The following HERC4 variants were observed in gnomAD, a reference collection of about 807,000 sequenced individuals.
The protein encoded by HERC4 is HECT and RLD domain containing E3 ubiquitin protein ligase 4.
A neutral mutation model predicts 124.3 loss-of-function variants in HERC4; 28 were observed. That is an observed-to-expected ratio of 0.23 (90% CI 0.17 to 0.31). HERC4 has a LOEUF of 0.31. HERC4 is among the 10% of genes least tolerant of loss of function. The pLI, the probability that HERC4 is intolerant of heterozygous loss-of-function variation, is 1.00. For missense variants in HERC4, 713 were observed against 1,229.3 expected (o/e 0.58, Z 6.28); for synonymous variants, 407 against 421.5 (o/e 0.97, Z 0.42).
intron 16 of HERC4, among the ~76,000 whole-genome samples, chr10:67,958,464 C>G (rs1280406660): frequency 2.0e-5 from 3 of 152,144 alleles, no homozygotes; most frequent in East Asian, 3.9e-4. Flanking sequence ...TAATTTAAAG[C>G]TAACTCAAAA....
At chr10:68,025,999 C>T (rs562896708) in intron 7 of HERC4, among the ~76,000 whole-genome samples, 3 of 152,294 alleles carry the variant, frequency 2.0e-5, no homozygotes, top group Non-Finnish European at 2.9e-5. Flanking sequence ...AACCTAAAAA[C>T]GGTATCATCT....
At chr10:67,957,784 T>C (rs1410861952) in intron 16 of HERC4, among the ~76,000 whole-genome samples, 2 of 152,160 alleles carry the variant, frequency 1.3e-5, no homozygotes, top group African/African-American at 4.8e-5. Flanking sequence ...TCTTAGTGAT[T>C]AGACAGTTCT....
chr10:68,059,553 A>ATATATAT (rs2040768462), intron 3 of HERC4, among the ~76,000 whole-genome samples: 1 of 88,124 alleles, frequency 1.1e-5, no homozygotes, highest in East Asian at 7.6e-4. Context: ...ATATATCATA[A>ATATATAT]TATATATCAT....
chr10:67,957,812 A>G (rs114039822), intron 16 of HERC4, among the ~76,000 whole-genome samples: 4,532 of 151,388 alleles, frequency 0.03, 237 homozygotes, highest in African/African-American at 0.1. Context: ...CTGAATCTGC[A>G]TTTTTTTTTC....
intron 3 of HERC4, among the ~76,000 whole-genome samples, chr10:68,057,573 G>A (rs974917930): frequency 4.7e-5 from 7 of 149,920 alleles, no homozygotes; most frequent in Non-Finnish European, 7.4e-5. Context: ...AAAGTGAGCC[G>A]AGATCACGCC....
At chr10:68,033,424 T>C (rs1160594237) in intron 6 of HERC4, among the ~76,000 whole-genome samples, 2 of 152,218 alleles carry the variant, frequency 1.3e-5, no homozygotes, top group African/African-American at 4.8e-5. Context: ...TATAAGAAAT[T>C]AGCTTTTGTA....
At chr10:67,997,022 A>T (rs1013583783) in intron 9 of HERC4, among the ~76,000 whole-genome samples, 26 of 151,956 alleles carry the variant, frequency 1.7e-4, no homozygotes, top group African/African-American at 6.3e-4. Flanking sequence ...AATCATTATG[A>T]CTTCAAGAAC....
chr10:67,946,992 A>AAGAG (rs928465682), intron 19 of HERC4, among the ~76,000 whole-genome samples: 4 of 151,756 alleles, frequency 2.6e-5, no homozygotes, highest in African/African-American at 9.7e-5. Context: ...ATTACCGCTA[A>AAGAG]AGAGAGAGAG....
intron 24 of HERC4, among the ~76,000 whole-genome samples, chr10:67,924,752 T>C (rs1307418428): frequency 6.6e-6 from 1 of 152,224 alleles, no homozygotes; most frequent in Non-Finnish European, 1.5e-5. Flanking sequence ...ATCCCCCATG[T>C]ATGCCAAAGG....
chr10:67,952,689 G>C (rs1181072728), intron 19 of HERC4, among the ~76,000 whole-genome samples: 1 of 151,950 alleles, frequency 6.6e-6, no homozygotes, highest in Admixed American at 6.6e-5. Context: ...ACAAGGTCAG[G>C]AGATCGAGAC....
At chr10:68,051,691 CTTTT>C (rs779623868) in intron 3 of HERC4, among the ~76,000 whole-genome samples, 1 of 109,602 alleles carries the variant, frequency 9.1e-6, no homozygotes, top group Admixed American at 9.3e-5. Context: ...CTTTTCTTTT[CTTTT>C]TTTTTTTTTT....
rs201305685 is a variant in HERC4, at chr10:67,966,826, A to T, written c.1807-24T>A. The T allele has an allele frequency of 1.9e-4, 283 of 1,525,088 alleles. 2 individuals carry two copies. The East Asian group carries it at 6.2e-3, about 33-fold the overall frequency. 94.5% of individuals were successfully genotyped at this position (1,525,088 alleles called of 1,614,324 possible). On this transcript the variant is annotated intron_variant, in intron 15 of 24. Coordinates refer to ENST00000373700, the MANE Select transcript of HERC4 (RefSeq NM_015601.4). Reference sequence around the variant, plus strand: ...ACCTACAAAAGAAAATGTAATTGACATTAAATTTAACCAGTACTCAAGACA... The same window carrying T: ...ACCTACAAAAGAAAATGTAATTGACTTTAAATTTAACCAGTACTCAAGACA...
At chr10:67,941,585 AT>A (rs2132139760) in intron 19 of HERC4, among the ~76,000 whole-genome samples, 1 of 148,942 alleles carries the variant, frequency 6.7e-6, no homozygotes, top group African/African-American at 2.5e-5. Flanking sequence ...TCAGAAAAAT[AT>A]TTTTAATACA....
At chr10:68,039,510 G>A in intron 4 of HERC4, 1 of 1,550,142 alleles carries the variant, frequency 6.5e-7, no homozygotes, top group Non-Finnish European at 8.7e-7. Flanking sequence ...CAAAGTTTGA[G>A]CAGGAAAAAG....
intron 16 of HERC4, among the ~76,000 whole-genome samples, chr10:67,963,566 A>G (rs1371225673): frequency 6.6e-6 from 1 of 152,196 alleles, no homozygotes; most frequent in African/African-American, 2.4e-5. Context: ...TTTAAGAGCT[A>G]AACACCAAGA....
intron 4 of HERC4, chr10:68,040,242 C>A (rs16925043): frequency 2.3e-5 from 23 of 981,756 alleles, no homozygotes; most frequent in Non-Finnish European, 2.7e-5. Flanking sequence ...TTGTAACACA[C>A]ATTAAATGCT....
chr10:67,949,702 C>T (rs2033655289), intron 19 of HERC4, among the ~76,000 whole-genome samples: 1 of 152,082 alleles, frequency 6.6e-6, no homozygotes, highest in African/African-American at 2.4e-5. Context: ...CAGAATGAAA[C>T]AAACCACATG....
At chr10:68,054,016 G>C (rs1246172733) in intron 3 of HERC4, among the ~76,000 whole-genome samples, 1 of 152,106 alleles carries the variant, frequency 6.6e-6, no homozygotes, top group East Asian at 1.9e-4. Context: ...AAAACCACCA[G>C]AGATTAAGTT....
intron 9 of HERC4, among the ~76,000 whole-genome samples, chr10:68,004,548 T>A (rs2037424914): frequency 6.6e-6 from 1 of 152,194 alleles, no homozygotes; most frequent in Non-Finnish European, 1.5e-5. Flanking sequence ...ATTCCATTTG[T>A]ACATGCTTTT....
Sources: gnomAD v4.1 joint callset for allele counts (sites outside exome capture counted in the v4.1 genomes callset) on GRCh38, gnomAD v4.1.1 for gene constraint, MANE v1.5 for transcripts, NCBI Gene and HGNC (gene_info 2026-07-23, HGNC 2026-07-21) for gene names.